MSR1: variants seen among roughly 807,000 people sequenced by gnomAD.
MSR1 encodes macrophage scavenger receptor 1, also known as macrophage scavenger receptor types I and II.
In MSR1, 53 loss-of-function variants were observed where a neutral mutation model predicts 47.2. The ratio of observed to expected loss-of-function variants is 1.12; its 90% CI spans 0.90 to 1.41. The LOEUF is 1.41. Ranked by LOEUF, MSR1 falls within the 40% of genes most tolerant of loss-of-function variation. The pLI, the probability that MSR1 is intolerant of heterozygous loss-of-function variation, is 0.00. For missense variants in MSR1, 786 were observed against 546.9 expected (o/e 1.44, Z -4.36); for synonymous variants, 239 against 185.6 (o/e 1.29, Z -2.34).
chr8:16,162,773 C>T (rs557668775), intron 5 of MSR1, among the ~76,000 whole-genome samples: 1 of 151,998 alleles, frequency 6.6e-6, no homozygotes. Context: ...TGACAAGTTT[C>T]TTGCAGGAGG....
chr8:16,126,205 C>T (rs1800124580), intron 8 of MSR1, among the ~76,000 whole-genome samples: 1 of 152,124 alleles, frequency 6.6e-6, no homozygotes, highest in Non-Finnish European at 1.5e-5. Context: ...CGAATCTATT[C>T]ATCGCTGTTA....
chr8:16,139,762 AAAAAAAAAAAAAATATATATATATATAT>A (rs1800487786), intron 8 of MSR1: 2 of 165,530 alleles, frequency 1.2e-5, no homozygotes, highest in African/African-American at 1.3e-4. Flanking sequence ...AAAAAAAAAA[AAAAAAAAAAAAAATATATATATATATAT>A]ATATATATAT....
chr8:16,128,102 T>C (rs1563142547), intron 8 of MSR1, among the ~76,000 whole-genome samples: 2 of 152,178 alleles, frequency 1.3e-5, no homozygotes, highest in Admixed American at 1.3e-4. Context: ...AATTTACTTA[T>C]GGTGCAATTT....
intron 8 of MSR1, among the ~76,000 whole-genome samples, chr8:16,123,979 T>G (rs1202862325): frequency 6.6e-6 from 1 of 152,190 alleles, no homozygotes; most frequent in Non-Finnish European, 1.5e-5. Context: ...ACATGTCTGT[T>G]AACAGCTCCT....
intron 9 of MSR1, among the ~76,000 whole-genome samples, chr8:16,114,913 C>G (rs982220866): frequency 6.6e-6 from 1 of 152,158 alleles, no homozygotes; most frequent in Non-Finnish European, 1.5e-5. Flanking sequence ...CACAGTGGCT[C>G]ATGCCTGTAA....
chr8:16,174,868 C>A lies in MSR1; in HGVS notation c.217+319G>T, dbSNP rs138606540. Among the ~76,000 whole-genome samples the A allele has an allele frequency of 5.4e-4, 82 of 152,174 alleles. No homozygotes were observed. In the East Asian group the frequency reaches 0.013, roughly 24 times the overall value. On this transcript the variant is annotated intron_variant, in intron 3 of 9. Coordinates refer to ENST00000262101, the MANE Select transcript of MSR1 (RefSeq NM_138715.3). Reference sequence around the variant, plus strand: ...ATGAATACTTTTAAAATTTGTCACCCACATTAGAAGGAGAGGACTCTAGAG... The same window carrying A: ...ATGAATACTTTTAAAATTTGTCACCAACATTAGAAGGAGAGGACTCTAGAG...
chr8:16,185,036 G>C (rs1482341838), intron 1 of MSR1, among the ~76,000 whole-genome samples: 1 of 151,946 alleles, frequency 6.6e-6, no homozygotes, highest in Non-Finnish European at 1.5e-5. Flanking sequence ...AATGAGGAAT[G>C]AACAATATTC....
chr8:16,138,478 T>C (rs1348316922), intron 8 of MSR1, among the ~76,000 whole-genome samples: 1 of 152,220 alleles, frequency 6.6e-6, no homozygotes, highest in African/African-American at 2.4e-5. Context: ...TCAGCATCCA[T>C]TTTTTGTCTA....
chr8:16,158,930 A>ATTT (rs34495946), intron 5 of MSR1, among the ~76,000 whole-genome samples: 2,436 of 107,714 alleles, frequency 0.023, 138 homozygotes, highest in African/African-American at 0.08. Context: ...CCTTTGGTTA[A>ATTT]TTTTTTTTTT....
At chr8:16,176,194 G>C (rs968622340) in intron 2 of MSR1, among the ~76,000 whole-genome samples, 1 of 152,138 alleles carries the variant, frequency 6.6e-6, no homozygotes, top group South Asian at 2.1e-4. Context: ...GAAAATAAGA[G>C]ACAGTTTTTA....
At chr8:16,157,129 C>T (rs1318135731) in intron 5 of MSR1, among the ~76,000 whole-genome samples, 1 of 151,952 alleles carries the variant, frequency 6.6e-6, no homozygotes, top group East Asian at 1.9e-4. Flanking sequence ...GGATCCAAAG[C>T]AAGACGCAGA....
intron 8 of MSR1, among the ~76,000 whole-genome samples, chr8:16,141,989 G>C (rs945526792): frequency 6.6e-6 from 1 of 152,090 alleles, no homozygotes; most frequent in African/African-American, 2.4e-5. Flanking sequence ...TCAGCTGAAA[G>C]TAAATGGAGT....
intron 3 of MSR1, 116 bp downstream of exon 3, chr8:16,175,071 G>C (rs1387696400): frequency 1.2e-6 from 1 of 805,100 alleles, no homozygotes; most frequent in Non-Finnish European, 2.1e-6. Context: ...ACTTTGTAAT[G>C]CAGTATTTTC....
intron 1 of MSR1, among the ~76,000 whole-genome samples, chr8:16,188,989 T>C (rs949959808): frequency 7.1e-6 from 1 of 141,280 alleles, no homozygotes; most frequent in African/African-American, 2.6e-5. Flanking sequence ...TATATATATA[T>C]ATATATATAA....
intron 3 of MSR1, among the ~76,000 whole-genome samples, chr8:16,171,973 C>T (rs1801500124): frequency 6.6e-6 from 1 of 152,086 alleles, no homozygotes; most frequent in Admixed American, 6.5e-5. Context: ...ATGTAATAAG[C>T]ACTTGAAAAG....
chr8:16,150,204 T>C, intron 7 of MSR1, 27 bp downstream of exon 7: 2 of 1,139,170 alleles, frequency 1.8e-6, no homozygotes, highest in African/African-American at 1.6e-5. Context: ...ACATATTCTA[T>C]AAAGAAAATA....
intron 2 of MSR1, among the ~76,000 whole-genome samples, chr8:16,176,142 G>A (rs1405090271): frequency 6.6e-6 from 1 of 152,174 alleles, no homozygotes; most frequent in African/African-American, 2.4e-5. Flanking sequence ...GTTGCAAATT[G>A]TTAAATTAAA....
At chr8:16,188,532 C>T (rs1468972023) in intron 1 of MSR1, among the ~76,000 whole-genome samples, 2 of 151,944 alleles carry the variant, frequency 1.3e-5, no homozygotes, top group East Asian at 1.9e-4. Flanking sequence ...CTGGGATACA[C>T]GTGCAGAACG....
chr8:16,110,001 T>G lies in MSR1; in HGVS notation c.*84A>C. The G allele has an allele frequency of 1.3e-6, 2 of 1,524,078 alleles. No individual in the cohort carries two copies. Among genetic ancestry groups the G allele is most frequent in the Middle Eastern group, 1.7e-4 (1 of 5,874 alleles). 94.4% of individuals were successfully genotyped at this position (1,524,078 alleles called of 1,614,324 possible). ...GGCAATATTCTTAATCTCTTAAATA[T>G]TGATTAAATGGATTTTACAGGAACA... is the stretch of plus-strand genomic sequence containing the variant. On this transcript the variant is annotated 3_prime_UTR_variant, in exon 10 of 10. Coordinates refer to ENST00000262101, the MANE Select transcript of MSR1 (RefSeq NM_138715.3).
Sources: gnomAD v4.1 joint callset for allele counts (sites outside exome capture counted in the v4.1 genomes callset) on GRCh38, gnomAD v4.1.1 for gene constraint, MANE v1.5 for transcripts, NCBI Gene and HGNC (gene_info 2026-07-23, HGNC 2026-07-21) for gene names.